DHRS7: variants seen among roughly 807,000 people sequenced by gnomAD.
DHRS7 encodes dehydrogenase/reductase SDR family member 7.
A neutral mutation model predicts 38.9 loss-of-function variants in DHRS7; 34 were observed. The ratio of observed to expected loss-of-function variants is 0.87; its 90% CI spans 0.66 to 1.16. DHRS7 has a LOEUF of 1.16. Ranked by LOEUF, DHRS7 falls within the 50% of genes most tolerant of loss-of-function variation. The pLI, the probability that DHRS7 is intolerant of heterozygous loss-of-function variation, is 0.00. For synonymous variants in DHRS7, 158 were observed against 153.1 expected (o/e 1.03, Z -0.24); for missense variants, 421 against 407.0 (o/e 1.03, Z -0.30).
At position 60,148,144 on chromosome 14, in the gene DHRS7, GTTGTGT is replaced by G. The variant is rs2140587608; in HGVS notation, c.972+1203_972+1208del. 1.3e-5 allele frequency: 2 copies of G among 152,246 alleles called. No individual in the cohort carries two copies. The highest frequency in any genetic ancestry group is 2.9e-5 in the Non-Finnish European group (2 of 68,006). 9.4% of individuals were successfully genotyped at this position (152,246 alleles called of 1,614,324 possible). Reference sequence around the variant, plus strand: ...ACCTTTTATGTCTCTTAAGCATTTTGTTGTGTTTGTAACTTTTTACCCCCTAATTCA... The same window carrying G: ...ACCTTTTATGTCTCTTAAGCATTTTGTTGTAACTTTTTACCCCCTAATTCA... On this transcript the variant is annotated intron_variant, in intron 6 of 6. Transcript: ENST00000557185. This position sits in a 1 kb window ranked among gnomAD's most constrained non-coding sequence, Gnocchi z 4.8.
upstream of DHRS7, chr14:60,168,709 G>T: frequency 2.6e-6 from 4 of 1,565,494 alleles, no homozygotes; most frequent in Non-Finnish European, 3.5e-6. Flanking sequence ...CAGCCTTGGA[G>T]ATAAGCAGAG....
Position 60,156,161 on chromosome 14 carries a change from G to A in DHRS7, c.134-9C>T, listed in dbSNP as rs745612380. ...ATCAGTCAGCTCCCATTCTATGGAA[G>A]GAATGTAAATGGAAGGAAGAAAATA... On this transcript the variant is annotated splice_polypyrimidine_tract_variant and intron_variant, in intron 1 of 6. Transcript: ENST00000557185. 2.6e-6 allele frequency: 4 copies of A among 1,547,804 alleles called. No individual in the cohort carries two copies. The highest frequency in any genetic ancestry group is 3.5e-6 in the Non-Finnish European group (4 of 1,150,258).
At chr14:60,160,433 G>A (rs906660176) in intron 1 of DHRS7, among the ~76,000 whole-genome samples, 4 of 150,448 alleles carry the variant, frequency 2.7e-5, no homozygotes. Context: ...AAAAGCTTAA[G>A]GGAAAATAGA....
intron 6 of DHRS7, chr14:60,147,066 C>G (rs900493544): frequency 2.6e-5 from 4 of 152,126 alleles, no homozygotes; most frequent in African/African-American, 9.7e-5. Context: ...AAACCCGTCT[C>G]TACAAAAACT....
At chr14:60,160,520 G>A (rs1445387270) in intron 1 of DHRS7, among the ~76,000 whole-genome samples, 1 of 151,312 alleles carries the variant, frequency 6.6e-6, no homozygotes, top group Non-Finnish European at 1.5e-5. Flanking sequence ...TGTTATCTCT[G>A]GCACAGAGTA....
chr14:60,153,977 A>G lies in DHRS7; in HGVS notation c.375T>C (p.Val125=), dbSNP rs779464331. 12 of 1,613,880 alleles carry G rather than the reference A, an allele frequency of 7.4e-6. No individual in the cohort carries two copies. Among genetic ancestry groups the G allele is most frequent in the Non-Finnish European group, 1.0e-5 (12 of 1,179,876 alleles). The part of the protein sequence containing the change: ...TGSHEAATKA[V]LQEFGRIDIL... ...TACTTACTCTACCAAACTCCTGGAG[A>G]ACAGCTTTGGTAGCCGCTTCATGGG... The change falls in exon 3 of 7, where the codon GTT becomes GTC. Residue 125 remains valine (V), a synonymous_variant. Transcript: ENST00000557185. This position sits in a 1 kb window ranked among gnomAD's most constrained non-coding sequence, Gnocchi z 4.4.
At chr14:60,150,208 A>G (rs1172286419) in intron 4 of DHRS7, 21 bp from the exon 5 acceptor site, 1 of 1,512,400 alleles carries the variant, frequency 6.6e-7, no homozygotes, top group Non-Finnish European at 8.8e-7. Context: ...AAAAAAAAAA[A>G]AAAGGAAAAA....
chr14:60,153,074 C>T lies in DHRS7; in HGVS notation c.498G>A (p.Thr166=), dbSNP rs140180368. Reference sequence around the variant, plus strand: ...GCAGAACACATTTTGTCAAGGACACCGTCCCTAAGTAGTTAAGCTCTATTA... The same window carrying T: ...GCAGAACACATTTTGTCAAGGACACTGTCCCTAAGTAGTTAAGCTCTATTA... ...RKLIELNYLG[T]VSLTKCVLPH... Residue 166 remains threonine, a synonymous_variant, in exon 4 of 7, where the codon ACG becomes ACA. Transcript: ENST00000557185. The surrounding 1 kb of genome is among the most constrained non-coding windows in gnomAD (Gnocchi z 4.4). The T allele has an allele frequency of 4.9e-5, 79 of 1,614,060 alleles. No individual in the cohort carries two copies. Among genetic ancestry groups the T allele is most frequent in the African/African-American group, 6.7e-5 (5 of 74,924 alleles).
chr14:60,150,685 A>G (rs1896525575), intron 4 of DHRS7, among the ~76,000 whole-genome samples: 1 of 152,174 alleles, frequency 6.6e-6, no homozygotes, highest in Non-Finnish European at 1.5e-5. Flanking sequence ...CATGGTGTAT[A>G]TGTGCCACAT....
intron 5 of DHRS7, 126 bp from the exon 6 acceptor site, chr14:60,149,694 C>A: frequency 1.5e-6 from 1 of 683,606 alleles, no homozygotes; most frequent in Non-Finnish European, 2.4e-6. Flanking sequence ...TTAGGAGTCT[C>A]CATAGGTACT....
At chr14:60,150,318 CTTTTT>C (rs558750959) in intron 4 of DHRS7, 131 bp from the exon 5 acceptor site, 1 of 788,166 alleles carries the variant, frequency 1.3e-6, no homozygotes, top group South Asian at 2.8e-5. Context: ...TTATTAGGCA[CTTTTT>C]TTTATTATTA....
Position 60,148,169 on chromosome 14 carries a change from T to C in DHRS7, c.972+1184A>G, listed in dbSNP as rs540139566. 1 of 152,334 alleles carries C rather than the reference T, an allele frequency of 6.6e-6. No homozygotes were observed. The highest frequency in any genetic ancestry group is 1.9e-4 in the East Asian group (1 of 5,190). 9.4% of individuals were successfully genotyped at this position (152,334 alleles called of 1,614,324 possible). On this transcript the variant is annotated intron_variant, in intron 6 of 6. Coordinates refer to ENST00000557185, the MANE Select transcript of DHRS7 (RefSeq NM_016029.4). The surrounding 1 kb of genome is among the most constrained non-coding windows in gnomAD (Gnocchi z 4.8). ...GTTGTGTTTGTAACTTTTTACCCCC[T>C]AATTCATTTTCACTGTCCTGCAAAG... is the stretch of plus-strand genomic sequence containing the variant.
At chr14:60,149,628 G>C (rs1056310735) in intron 5 of DHRS7, 60 bp from the exon 6 acceptor site, 1 of 1,401,108 alleles carries the variant, frequency 7.1e-7, no homozygotes. Flanking sequence ...CTTTAAGCTA[G>C]AAAGGACTCA....
rs1190693267 is a variant in DHRS7, at chr14:60,153,810, G to T, written c.393+149C>A. ...AAGTACTAATTCCATAATGACAAAG[G>T]CTCAGAGATTAAGGGGCCCAACTCA... On this transcript the variant is annotated intron_variant, in intron 3 of 6. Transcript: ENST00000557185. This position sits in a 1 kb window ranked among gnomAD's most constrained non-coding sequence, Gnocchi z 4.4. 4 of 595,444 alleles carry T rather than the reference G, an allele frequency of 6.7e-6. No homozygotes were observed. Among genetic ancestry groups the T allele is most frequent in the Admixed American group, 2.9e-5 (1 of 34,248 alleles). 36.9% of individuals were successfully genotyped at this position (595,444 alleles called of 1,614,324 possible).
Position 60,148,588 on chromosome 14 carries a change from G to C in DHRS7, c.972+765C>G, listed in dbSNP as rs145614799. On this transcript the variant is annotated intron_variant, in intron 6 of 6. Coordinates refer to ENST00000557185, the MANE Select transcript of DHRS7 (RefSeq NM_016029.4). This position sits in a 1 kb window ranked among gnomAD's most constrained non-coding sequence, Gnocchi z 4.8. ...ACATCTTAGATGTGCTGAGTACTTC[G>C]GGAATGAGGTAAAACTGCATGCATC... Among the ~76,000 whole-genome samples, 1 of 152,090 alleles carries C rather than the reference G, an allele frequency of 6.6e-6. No homozygotes were observed. Among genetic ancestry groups the C allele is most frequent in the Non-Finnish European group, 1.5e-5 (1 of 68,004 alleles).
intron 1 of DHRS7, among the ~76,000 whole-genome samples, 172 bp from the exon 2 acceptor site, chr14:60,156,324 A>G (rs553048359): frequency 6.6e-6 from 1 of 152,292 alleles, no homozygotes; most frequent in Admixed American, 6.5e-5. Flanking sequence ...TAACTAAAAA[A>G]AAAAAAAAGC....
chr14:60,152,306 G>A (rs933806558), intron 4 of DHRS7, among the ~76,000 whole-genome samples: 1 of 152,166 alleles, frequency 6.6e-6, no homozygotes, highest in Non-Finnish European at 1.5e-5. Flanking sequence ...TACATCGTAA[G>A]TTATGCAGTC....
rs1176993062 is a variant in DHRS7 at position 60,145,984 on chromosome 14, TCTTAA to T, written c.973-976_973-972del. ...CTTGAAATAAGCTATGCTAGCATTT[TCTTAA>T]CTTAGACGCTTATCAATAAGAAAAT... On this transcript the variant is annotated intron_variant, in intron 6 of 6. Coordinates refer to ENST00000557185, the MANE Select transcript of DHRS7 (RefSeq NM_016029.4). The surrounding 1 kb of genome is among the most constrained non-coding windows in gnomAD (Gnocchi z 4.0). 2.0e-5 allele frequency: 3 copies of T among 150,512 alleles called. No homozygotes were observed. The highest frequency in any genetic ancestry group is 4.4e-5 in the Non-Finnish European group (3 of 67,678). 9.3% of individuals were successfully genotyped at this position (150,512 alleles called of 1,614,324 possible).
At chr14:60,158,359 A>G (rs1896699709) in intron 1 of DHRS7, among the ~76,000 whole-genome samples, 1 of 152,012 alleles carries the variant, frequency 6.6e-6, no homozygotes, top group Non-Finnish European at 1.5e-5. Flanking sequence ...CCACCTTCCT[A>G]TAGGACTTTA....
Sources: gnomAD v4.1 joint callset for allele counts (sites outside exome capture counted in the v4.1 genomes callset) on GRCh38, gnomAD v4.1.1 for gene constraint, Gnocchi (gnomAD v3.1) non-coding constraint, MANE v1.5 for transcripts, NCBI Gene and HGNC (gene_info 2026-07-23, HGNC 2026-07-21) for gene names.